The following ATP6V0A4 variants were observed in gnomAD, a reference collection of about 807,000 sequenced individuals.
The protein encoded by ATP6V0A4 is V-type proton ATPase 116 kDa subunit a 4.
A neutral mutation model predicts 107.3 loss-of-function variants in ATP6V0A4; 86 were observed. The observed-to-expected ratio is 0.80, with a 90% CI of 0.67 to 0.96. The LOEUF (loss-of-function observed/expected upper bound fraction) is 0.96. ATP6V0A4 is among the 40% of genes least tolerant of loss of function. ATP6V0A4 has a pLI of 0.00. For missense variants in ATP6V0A4, 908 were observed against 1,045.6 expected, an observed-to-expected ratio of 0.87 and a Z score of 1.81; for synonymous variants, 353 against 381.4, an observed-to-expected ratio of 0.93 and a Z score of 0.87.
At chr7:138,725,819 C>G (rs1199232377) in intron 18 of ATP6V0A4, among the ~76,000 whole-genome samples, 1 of 151,284 alleles carries the variant, frequency 6.6e-6, no homozygotes, top group African/African-American at 2.4e-5. Flanking sequence ...GGTCAGGACT[C>G]TCAAGTTCTA....
intron 18 of ATP6V0A4, among the ~76,000 whole-genome samples, chr7:138,724,959 AG>A: frequency 6.6e-6 from 1 of 152,316 alleles, no homozygotes; most frequent in Middle Eastern, 3.4e-3. Flanking sequence ...ATTGTAAATT[AG>A]CTACTGGCAA....
intron 18 of ATP6V0A4, among the ~76,000 whole-genome samples, chr7:138,726,323 T>C (rs972029904): frequency 2.0e-5 from 3 of 152,234 alleles, no homozygotes; most frequent in East Asian, 1.9e-4. Context: ...GTTATTTCAC[T>C]GTGACCTGAG....
At chr7:138,745,439 A>C in intron 13 of ATP6V0A4, 159 bp from the exon 14 acceptor site, 1 of 518,080 alleles carries the variant, frequency 1.9e-6, no homozygotes, top group Non-Finnish European at 2.5e-6. Context: ...GGAAGAGCAC[A>C]CACATCATGG....
intron 1 of ATP6V0A4, among the ~76,000 whole-genome samples, chr7:138,794,424 G>A (rs1199328997): frequency 6.6e-6 from 1 of 152,104 alleles, no homozygotes; most frequent in East Asian, 1.9e-4. Flanking sequence ...GGCCGTTCCA[G>A]GCCACAGACT....
chr7:138,751,635 T>C (rs1400697325), intron 11 of ATP6V0A4, among the ~76,000 whole-genome samples: 1 of 151,592 alleles, frequency 6.6e-6, no homozygotes, highest in Admixed American at 6.6e-5. Flanking sequence ...GGCCTGCCAG[T>C]GTGTAAGCCC....
chr7:138,750,539 C>T (rs1806168777), intron 11 of ATP6V0A4, among the ~76,000 whole-genome samples: 1 of 152,208 alleles, frequency 6.6e-6, no homozygotes, highest in African/African-American at 2.4e-5. Flanking sequence ...CCAAGTGCTC[C>T]CTGTCCAGGA....
chr7:138,759,346 T>C (rs1806671870), intron 8 of ATP6V0A4, among the ~76,000 whole-genome samples: 1 of 152,092 alleles, frequency 6.6e-6, no homozygotes, highest in African/African-American at 2.4e-5. Context: ...TAAGCCACCA[T>C]GCCTGGCCTG....
At chr7:138,766,519 AT>A (rs200325490) in intron 5 of ATP6V0A4, among the ~76,000 whole-genome samples, 55 of 149,320 alleles carry the variant, frequency 3.7e-4, no homozygotes, top group East Asian at 1.8e-3. Context: ...CATGCTAGAC[AT>A]TTTTTTTTTA....
intron 19 of ATP6V0A4, among the ~76,000 whole-genome samples, chr7:138,720,683 TG>T (rs34615831): frequency 1 from 152,127 of 152,128 alleles, 76,063 homozygotes; most frequent in Non-Finnish European, 1. Flanking sequence ...TCGCCCAGGC[TG>T]GGAGTACAGT....
chr7:138,745,261 T>C lies in ATP6V0A4; in HGVS notation c.1340A>G (p.His447Arg). The change falls in exon 14 of 22, where the codon CAC (histidine) becomes CGC (arginine). Residue 447 changes from histidine to arginine, a missense_variant. Physicochemically the swap from His to Arg is conservative, Grantham distance 29. Coordinates refer to ENST00000310018, the MANE Select transcript of ATP6V0A4 (RefSeq NM_020632.3). ...TDNEIWNTFF[H>R]GRYLILLMGI... Reference sequence around the variant, plus strand: ...CATAAGTAGGATCAGATAGCGCCCGTGGAAGAAGGTGTTCCAAATCTGGCC... The same window carrying C: ...CATAAGTAGGATCAGATAGCGCCCGCGGAAGAAGGTGTTCCAAATCTGGCC... 1 of 1,614,040 alleles carries C rather than the reference T, an allele frequency of 6.2e-7. No homozygotes were observed. Among genetic ancestry groups the C allele is most frequent in the Non-Finnish European group, 8.5e-7 (1 of 1,179,972 alleles).
Position 138,752,771 on chromosome 7 carries a change from A to C in ATP6V0A4, c.883T>G (p.Trp295Gly). The C allele has an allele frequency of 6.2e-7, 1 of 1,614,236 alleles. No individual in the cohort carries two copies. The highest frequency in any genetic ancestry group is 8.5e-7 in the Non-Finnish European group (1 of 1,180,036). Residue 295 changes from tryptophan to glycine, a missense_variant, in exon 11 of 22, where the codon TGG (tryptophan) becomes GGG (glycine). Physicochemically the swap from Trp to Gly is radical, Grantham distance 184 (BLOSUM62 -2). Coordinates refer to ENST00000310018, the MANE Select transcript of ATP6V0A4 (RefSeq NM_020632.3). ...LQEAAANWHSWLIKVQKMKAV... is the reference protein window; with the variant it reads ...LQEAAANWHSGLIKVQKMKAV... ...TTCATCTTCTGCACCTTGATGAGCC[A>C]GGAGTGCCAGTTGGCAGCGGCTTCC...
chr7:138,784,291 C>CATATATAT (rs1808077453), intron 2 of ATP6V0A4, among the ~76,000 whole-genome samples: 3 of 58,216 alleles, frequency 5.2e-5, no homozygotes, highest in African/African-American at 2.5e-4. Context: ...CATATATATA[C>CATATATAT]ACACACACAC....
Position 138,798,047 on chromosome 7 carries a change from T to C in ATP6V0A4, c.-134A>G, listed in dbSNP as rs750595409. 6.4e-7 allele frequency: 1 copy of C among 1,558,120 alleles called. No homozygotes were observed. Among genetic ancestry groups the C allele is most frequent in the Non-Finnish European group, 8.7e-7 (1 of 1,151,088 alleles). On this transcript the variant is annotated 5_prime_UTR_variant, in exon 1 of 22. Transcript: ENST00000310018. ...GAGTCGACTCACCTGCAGCAGGCAC[T>C]CGGCACAACTCCGCAGGACCGGCTC...
intron 15 of ATP6V0A4, 75 bp from the exon 16 acceptor site, chr7:138,734,329 C>T: frequency 1.2e-6 from 2 of 1,604,852 alleles, no homozygotes; most frequent in Non-Finnish European, 1.7e-6. Context: ...GGCTACAGCA[C>T]AACTTTCCCT....
intron 2 of ATP6V0A4, among the ~76,000 whole-genome samples, chr7:138,779,110 A>G (rs1807807637): frequency 1.3e-5 from 2 of 152,208 alleles, no homozygotes; most frequent in African/African-American, 4.8e-5. Context: ...GGAGGCCAAG[A>G]CAGGTGGATT....
intron 2 of ATP6V0A4, among the ~76,000 whole-genome samples, chr7:138,777,570 G>A (rs1218343044): frequency 3.4e-5 from 5 of 148,654 alleles, no homozygotes; most frequent in Non-Finnish European, 5.9e-5. Flanking sequence ...AGCCAAGATC[G>A]TGCCATTGCA....
At chr7:138,728,023 C>T (rs1804803924) in intron 18 of ATP6V0A4, among the ~76,000 whole-genome samples, 1 of 152,056 alleles carries the variant, frequency 6.6e-6, no homozygotes, top group African/African-American at 2.4e-5. Context: ...CTGACACAAT[C>T]TGTAACATAA....
intron 1 of ATP6V0A4, among the ~76,000 whole-genome samples, chr7:138,789,632 C>A (rs1399585591): frequency 4.0e-5 from 6 of 151,570 alleles, no homozygotes; most frequent in Non-Finnish European, 8.8e-5. Context: ...AATCTGTCTG[C>A]TTCATTGTGA....
At chr7:138,750,222 G>C (rs1806154072) in intron 11 of ATP6V0A4, among the ~76,000 whole-genome samples, 1 of 151,900 alleles carries the variant, frequency 6.6e-6, no homozygotes, top group Admixed American at 6.6e-5. Context: ...GTCTACACTA[G>C]CCACCTCTCT....
Sources: allele counts gnomAD v4.1 joint callset (sites outside exome capture counted in the v4.1 genomes callset), GRCh38; gene constraint gnomAD v4.1.1; transcripts MANE v1.5; gene names NCBI Gene and HGNC (gene_info 2026-07-23, HGNC 2026-07-21).